The following PLXNA4 variants were observed in gnomAD, a reference collection of about 807,000 sequenced individuals.
PLXNA4 encodes the protein plexin-A4.
In PLXNA4, 44 loss-of-function variants were observed where a neutral mutation model predicts 191.8. That is an observed-to-expected ratio of 0.23 (90% confidence interval 0.18 to 0.29). The LOEUF (loss-of-function observed/expected upper bound fraction) is 0.29, where lower values mean the gene tolerates loss of function less well. PLXNA4 is among the 10% of genes least tolerant of loss of function. The pLI, the probability that PLXNA4 is intolerant of heterozygous loss-of-function variation, is 1.00. For synonymous variants in PLXNA4, 1,082 were observed against 1,009.5 expected, an observed-to-expected ratio of 1.07 and a Z score of -1.36; for missense variants, 1,800 against 2,488.8, an observed-to-expected ratio of 0.72 and a Z score of 5.89.
chr7:132,241,211 C>T (rs1289010197), intron 4 of PLXNA4, 45 bp from the exon 5 acceptor site: 2 of 1,394,680 alleles, frequency 1.4e-6, no homozygotes, highest in Admixed American at 1.8e-5. Context: ...TTTTGCAGAA[C>T]ACCCAGCAGT....
intron 2 of PLXNA4, among the ~76,000 whole-genome samples, chr7:132,589,462 A>G (rs570901785): frequency 6.6e-6 from 1 of 152,334 alleles, no homozygotes; most frequent in African/African-American, 2.4e-5. Flanking sequence ...TGATGATAGC[A>G]TATTATTTAA....
At position 132,454,976 on chromosome 7, in the gene PLXNA4, G is replaced by A. The variant is rs551417462; in HGVS notation, c.1371+34316C>T. Among the ~76,000 whole-genome samples the A allele has an allele frequency of 1.1e-3, 175 of 152,278 alleles. 1 individual carries two copies. The highest frequency in any genetic ancestry group is 3.9e-3 in the African/African-American group (163 of 41,566). On this transcript the variant is annotated intron_variant, in intron 3 of 31. Transcript: ENST00000321063. ...TTCCCACAGCTCCTTCAGCATCCTCGATGGGGCCAATGCTGGCCAAGAGAA... is the reference window on the plus strand; with the variant it reads ...TTCCCACAGCTCCTTCAGCATCCTCAATGGGGCCAATGCTGGCCAAGAGAA...
intron 29 of PLXNA4, among the ~76,000 whole-genome samples, chr7:132,142,731 G>C (rs1167542759): frequency 6.6e-6 from 1 of 152,178 alleles, no homozygotes; most frequent in African/African-American, 2.4e-5. Flanking sequence ...GTGAAAGTAG[G>C]GGTCATTCCA....
intron 4 of PLXNA4, among the ~76,000 whole-genome samples, chr7:132,257,790 T>G (rs757253798): frequency 6.6e-6 from 1 of 152,214 alleles, no homozygotes; most frequent in Non-Finnish European, 1.5e-5. Flanking sequence ...GCTGGTTTAC[T>G]AGGCCATGTT....
intron 3 of PLXNA4, among the ~76,000 whole-genome samples, chr7:132,299,099 A>C (rs1801212100): frequency 6.6e-6 from 1 of 152,200 alleles, no homozygotes; most frequent in South Asian, 2.1e-4. Flanking sequence ...GAGTGCATAG[A>C]TCCAACATGA....
At chr7:132,506,654 G>A (rs184505428) in intron 2 of PLXNA4, among the ~76,000 whole-genome samples, 10 of 152,302 alleles carry the variant, frequency 6.6e-5, no homozygotes, top group East Asian at 3.9e-4. Flanking sequence ...TGGGGCACAC[G>A]TGAGCTAGGC....
At chr7:132,551,536 C>T (rs1044683278) in intron 1 of PLXNA4, among the ~76,000 whole-genome samples, 11 of 152,142 alleles carry the variant, frequency 7.2e-5, no homozygotes, top group African/African-American at 2.7e-4. Context: ...AGTGAGTATA[C>T]CTCGCTGGAG....
intron 9 of PLXNA4, among the ~76,000 whole-genome samples, chr7:132,216,408 C>G (rs1797963257): frequency 6.6e-6 from 1 of 152,162 alleles, no homozygotes. Context: ...TGAATGAATA[C>G]TGAAGGCATG....
At chr7:132,645,620 C>G (rs556498810) in intron 2 of PLXNA4, among the ~76,000 whole-genome samples, 1 of 152,260 alleles carries the variant, frequency 6.6e-6, no homozygotes, top group East Asian at 1.9e-4. Context: ...TGCTATGGCC[C>G]ACTGGTAGGG....
At chr7:132,172,532 C>T (rs1405723034) in intron 21 of PLXNA4, among the ~76,000 whole-genome samples, 1 of 151,956 alleles carries the variant, frequency 6.6e-6, no homozygotes, top group East Asian at 1.9e-4. Context: ...GGCTTGTTTC[C>T]ATACTTAGAA....
intron 2 of PLXNA4, among the ~76,000 whole-genome samples, chr7:132,498,636 T>A (rs1458596462): frequency 6.6e-6 from 1 of 152,012 alleles, no homozygotes; most frequent in South Asian, 2.1e-4. Context: ...ACACGGTATA[T>A]ATGGGGTTTG....
intron 1 of PLXNA4, among the ~76,000 whole-genome samples, chr7:132,541,554 T>C (rs1800087433): frequency 6.6e-6 from 1 of 152,226 alleles, no homozygotes; most frequent in Non-Finnish European, 1.5e-5. Flanking sequence ...AGTAGAGGTT[T>C]TTTCGTTGTT....
chr7:132,286,594 C>T (rs1298730730), intron 4 of PLXNA4, among the ~76,000 whole-genome samples: 1 of 152,166 alleles, frequency 6.6e-6, no homozygotes, highest in African/African-American at 2.4e-5. Flanking sequence ...TGCTCTACCT[C>T]CACATCATAG....
chr7:132,194,476 T>C (rs931107581), intron 13 of PLXNA4, among the ~76,000 whole-genome samples: 1 of 152,226 alleles, frequency 6.6e-6, no homozygotes, highest in Non-Finnish European at 1.5e-5. Flanking sequence ...TCAACTAGAC[T>C]GGAGGGCATG....
intron 31 of PLXNA4, 89 bp from the exon 32 acceptor site, chr7:132,130,663 A>C: frequency 6.3e-7 from 1 of 1,586,866 alleles, no homozygotes; most frequent in South Asian, 1.1e-5. Flanking sequence ...GGATGTGGTC[A>C]GAAGCCCGGG....
intron 3 of PLXNA4, among the ~76,000 whole-genome samples, chr7:132,377,175 A>G (rs1032316069): frequency 2.0e-5 from 3 of 152,352 alleles, no homozygotes; most frequent in African/African-American, 7.2e-5. Flanking sequence ...GTTATGAAAT[A>G]TCAGCCCAGC....
At chr7:132,471,876 C>G (rs1317511658) in intron 3 of PLXNA4, among the ~76,000 whole-genome samples, 1 of 152,190 alleles carries the variant, frequency 6.6e-6, no homozygotes, top group African/African-American at 2.4e-5. Context: ...TTACTGGAAC[C>G]AGGTATGCTT....
In PLXNA4 at chr7:132,495,035, T is replaced by C. The variant is rs189199071; in HGVS notation, c.1189-5561A>G. Among the ~76,000 whole-genome samples, 81 of 152,222 alleles carry C rather than the reference T, an allele frequency of 5.3e-4. 1 individual carries two copies. In the East Asian group the frequency reaches 0.015, roughly 28 times the overall value. On this transcript the variant is annotated intron_variant, in intron 2 of 31. Coordinates refer to ENST00000321063, the MANE Select transcript of PLXNA4 (RefSeq NM_020911.2). ...AACCCTAGGCCTCAATGACACACTC[T>C]TAAGGAACCAACTATCACCCACTCT...
chr7:132,384,745 T>TACACACACACACACACAC (rs10535106), intron 3 of PLXNA4: 1 of 823,104 alleles, frequency 1.2e-6, no homozygotes, highest in African/African-American at 2.1e-5. Flanking sequence ...CAGATAAGCA[T>TACACACACACACACACAC]ACACACACAC....
Sources: allele counts gnomAD v4.1 joint callset (sites outside exome capture counted in the v4.1 genomes callset), GRCh38; gene constraint gnomAD v4.1.1; transcripts MANE v1.5; gene names NCBI Gene and HGNC (gene_info 2026-07-23, HGNC 2026-07-21).